The following PDHX variants were observed in gnomAD, a reference collection of about 807,000 sequenced individuals.
PDHX encodes pyruvate dehydrogenase complex component X, also known as pyruvate dehydrogenase protein X component, mitochondrial.
Under a neutral mutation model 55.3 loss-of-function variants are expected in PDHX, and 33 were observed. The observed-to-expected ratio is 0.60, with a 90% CI of 0.45 to 0.80. PDHX has a LOEUF of 0.80. Ranked by LOEUF, PDHX falls within the 30% of genes least tolerant of loss-of-function variation. The pLI, the probability that PDHX is intolerant of heterozygous loss-of-function variation, is 0.00. For synonymous variants in PDHX, 226 were observed against 219.4 expected, an observed-to-expected ratio of 1.03 and a Z score of -0.27; for missense variants, 622 against 619.9, an observed-to-expected ratio of 1.00 and a Z score of -0.04.
chr11:34,930,935 A>T (rs1474426405), intron 1 of PDHX, among the ~76,000 whole-genome samples: 1 of 152,230 alleles, frequency 6.6e-6, no homozygotes, highest in African/African-American at 2.4e-5. Context: ...AGTTTCTTAA[A>T]GTCTGATCTT....
intron 7 of PDHX, among the ~76,000 whole-genome samples, chr11:34,970,556 C>G (rs1855236125): frequency 1.3e-5 from 2 of 152,084 alleles, no homozygotes; most frequent in South Asian, 4.1e-4. Flanking sequence ...CTTTTATTTC[C>G]TCTTTGTCAT....
upstream of PDHX, chr11:34,916,169 C>A (rs1239853973): frequency 4.0e-5 from 63 of 1,569,362 alleles, no homozygotes; most frequent in Non-Finnish European, 5.3e-5. Flanking sequence ...CTCCAGCCGC[C>A]GGGTCCCGCC....
chr11:34,927,455 G>A (rs553706584), intron 1 of PDHX, among the ~76,000 whole-genome samples: 1 of 152,066 alleles, frequency 6.6e-6, no homozygotes, highest in East Asian at 1.9e-4. Flanking sequence ...ATTAATATTA[G>A]GTAAAGGATA....
At chr11:34,959,267 A>G (rs1440550631) in intron 4 of PDHX, among the ~76,000 whole-genome samples, 6 of 152,170 alleles carry the variant, frequency 3.9e-5, no homozygotes, top group African/African-American at 1.4e-4. Flanking sequence ...GAACTTTAAT[A>G]GCATTTCTCC....
intron 5 of PDHX, 146 bp downstream of exon 5, chr11:34,960,664 T>C: frequency 1.7e-6 from 1 of 583,072 alleles, no homozygotes. Context: ...CTTTTATCAT[T>C]GTAAATTGTA....
intron 1 of PDHX, among the ~76,000 whole-genome samples, chr11:34,928,360 A>G (rs1854073128): frequency 6.7e-6 from 1 of 148,838 alleles, no homozygotes; most frequent in African/African-American, 2.6e-5. Flanking sequence ...GATAGAAAGA[A>G]CACATTGGGA....
At chr11:34,962,367 G>A (rs1024586750) in intron 5 of PDHX, among the ~76,000 whole-genome samples, 10 of 152,236 alleles carry the variant, frequency 6.6e-5, no homozygotes, top group Admixed American at 5.9e-4. Flanking sequence ...AATGTGGAGT[G>A]TAGGCCAGAG....
chr11:34,932,325 G>A (rs1854197392), intron 2 of PDHX, among the ~76,000 whole-genome samples: 3 of 152,062 alleles, frequency 2.0e-5, no homozygotes, highest in Non-Finnish European at 4.4e-5. Context: ...AAAAAAAGAA[G>A]TGACAAATTG....
chr11:34,916,868 G>C, intron 1 of PDHX, 53 bp downstream of exon 1: 1 of 1,493,152 alleles, frequency 6.7e-7, no homozygotes, highest in East Asian at 2.5e-5. Context: ...GATGGGCCTG[G>C]GACAGGGGCA....
At chr11:34,978,336 A>G (rs1210241278) in intron 8 of PDHX, among the ~76,000 whole-genome samples, 154 bp downstream of exon 8, 2 of 152,266 alleles carry the variant, frequency 1.3e-5, no homozygotes, top group African/African-American at 4.8e-5. Context: ...TCATTTTACA[A>G]ATGAAGAAAC....
At chr11:34,916,301 CCG>C, upstream of PDHX, 1 of 1,611,230 alleles carries the variant, frequency 6.2e-7, no homozygotes, top group Non-Finnish European at 8.5e-7. Context: ...GACCAGGGAC[CCG>C]CGCGGCCTCC....
chr11:34,963,759 C>A (rs984494767), intron 5 of PDHX, among the ~76,000 whole-genome samples: 2 of 152,202 alleles, frequency 1.3e-5, no homozygotes, highest in African/African-American at 4.8e-5. Context: ...GCTCAGAATA[C>A]ATGTTGTACC....
intron 7 of PDHX, among the ~76,000 whole-genome samples, chr11:34,974,795 C>G (rs1432363666): frequency 2.6e-5 from 4 of 152,140 alleles, no homozygotes; most frequent in Admixed American, 2.6e-4. Flanking sequence ...GTAGTCCCAG[C>G]TACTTGGGAG....
Position 34,947,557 on chromosome 11 carries a change from C to G in PDHX, c.293C>G (p.Ala98Gly), listed in dbSNP as rs971439972. ...DALCEIETDK[A>G]VVTLDASDDG... ...TTATGTGAAATTGAGACTGACAAAG[C>G]TGTGGTTACCTTAGATGCAAGTGAT... Residue 98 changes from alanine to glycine, a missense_variant, in exon 3 of 11, where the codon GCT (alanine) becomes GGT (glycine). Physicochemically the swap from Ala to Gly is moderately conservative, Grantham distance 60 (BLOSUM62 0). Transcript: ENST00000227868. 6.2e-7 allele frequency: 1 copy of G among 1,613,410 alleles called. No individual in the cohort carries two copies. The highest frequency in any genetic ancestry group is 1.3e-5 in the African/African-American group (1 of 74,896).
chr11:34,949,238 T>A (rs906802590), intron 3 of PDHX, among the ~76,000 whole-genome samples: 2 of 149,726 alleles, frequency 1.3e-5, no homozygotes, highest in Non-Finnish European at 2.9e-5. Flanking sequence ...TTTTCTTCTG[T>A]TTTTTGTTTT....
chr11:34,934,565 T>C (rs562660633), intron 2 of PDHX, among the ~76,000 whole-genome samples: 2 of 144,966 alleles, frequency 1.4e-5, no homozygotes, highest in South Asian at 2.2e-4. Flanking sequence ...TTTAATGATA[T>C]TATGGATTTT....
intron 1 of PDHX, among the ~76,000 whole-genome samples, chr11:34,925,697 T>C (rs1295112666): frequency 6.6e-6 from 1 of 152,190 alleles, no homozygotes; most frequent in East Asian, 1.9e-4. Context: ...TCAATCTTTG[T>C]ATGTGTACAA....
At chr11:34,972,478 A>G (rs986631492) in intron 7 of PDHX, among the ~76,000 whole-genome samples, 6 of 151,578 alleles carry the variant, frequency 4.0e-5, no homozygotes, top group African/African-American at 1.5e-4. Context: ...GTTCACTTCA[A>G]CCACCGCCTC....
chr11:34,982,371 C>G (rs1855535677), intron 8 of PDHX, among the ~76,000 whole-genome samples: 1 of 151,946 alleles, frequency 6.6e-6, no homozygotes, highest in South Asian at 2.1e-4. Context: ...ACTAGAGAAG[C>G]AAGAGCAAAC....
Sources: gnomAD v4.1 joint callset for allele counts (sites outside exome capture counted in the v4.1 genomes callset) on GRCh38, gnomAD v4.1.1 for gene constraint, MANE v1.5 for transcripts, NCBI Gene and HGNC (gene_info 2026-07-23, HGNC 2026-07-21) for gene names.